CENPF: variants seen among roughly 807,000 people sequenced by gnomAD.
The protein encoded by CENPF is centromere protein F.
In CENPF, 214 loss-of-function variants were observed where a neutral mutation model predicts 307.3. That is an observed-to-expected ratio of 0.70 (90% CI 0.62 to 0.78). The LOEUF is 0.78. Among genes scored for constraint, CENPF ranks in the 30% least tolerant of loss-of-function variants. The probability of loss-of-function intolerance (pLI) is 0.00; values close to 1 mark genes in which losing one functional copy is unlikely to be tolerated. For missense variants in CENPF, 3,401 were observed against 3,483.9 expected (o/e 0.98, Z 0.60); for synonymous variants, 1,259 against 1,270.6 (o/e 0.99, Z 0.19).
At chr1:214,605,620 G>A (rs1263419953) in intron 1 of CENPF, 14 of 1,440,068 alleles carry the variant, frequency 9.7e-6, no homozygotes, top group African/African-American at 1.4e-5. Context: ...GGGCCGGCGC[G>A]GGGTGAGGTC....
In CENPF at chr1:214,640,879, A is replaced by G; in HGVS notation, c.2541A>G (p.Ser847=). 3 of 1,603,398 alleles carry G rather than the reference A, an allele frequency of 1.9e-6. No homozygotes were observed. The highest frequency in any genetic ancestry group is 2.5e-6 in the Non-Finnish European group (3 of 1,177,234). The part of the protein sequence containing the change: ...FSLESQKQMN[S]DLQKQCEELV... ...TAGAGTCTCAAAAACAGATGAACTC[A>G]GACCTGCAAAAGCAGTGTGAAGAGT... Residue 847 remains serine (S), a synonymous_variant, in exon 12 of 20, where the codon TCA becomes TCG. Transcript: ENST00000366955.
chr1:214,617,652 GA>G (rs1410778833), intron 3 of CENPF, among the ~76,000 whole-genome samples: 1 of 152,002 alleles, frequency 6.6e-6, no homozygotes, highest in African/African-American at 2.4e-5. Flanking sequence ...GCATTATATT[GA>G]TTTAATTTTT....
At chr1:214,655,157 T>C (rs1658595671) in intron 16 of CENPF, 84 bp from the exon 17 acceptor site, 2 of 816,198 alleles carry the variant, frequency 2.5e-6, no homozygotes, top group Non-Finnish European at 3.6e-6. Context: ...TTACAATATA[T>C]GAATCTTATA....
chr1:214,651,577 G>A lies in CENPF; in HGVS notation c.7984-133G>A, dbSNP rs750692539. 1.2e-5 allele frequency: 7 copies of A among 585,268 alleles called. No homozygotes were observed. In the South Asian group the frequency reaches 1.3e-4, roughly 11 times the overall value. The allele number at this position is 585,268 out of a possible 1,614,324, so 36.3% of individuals were successfully genotyped here. On this transcript the variant is annotated intron_variant, in intron 14 of 19. Coordinates refer to ENST00000366955, the MANE Select transcript of CENPF (RefSeq NM_016343.4). ...AGTGAATACATTGCTAAGGATTATAGCACTATTCTGTACAGATTTTATCTT... is the reference window on the plus strand; with the variant it reads ...AGTGAATACATTGCTAAGGATTATAACACTATTCTGTACAGATTTTATCTT...
chr1:214,624,370 A>G (rs74871236), intron 7 of CENPF, among the ~76,000 whole-genome samples: 1 of 151,948 alleles, frequency 6.6e-6, no homozygotes, highest in African/African-American at 2.4e-5. Flanking sequence ...TTTATATATT[A>G]AGTAGAATTC....
At chr1:214,606,052 G>C in intron 1 of CENPF, 1 of 1,594,800 alleles carries the variant, frequency 6.3e-7, no homozygotes, top group African/African-American at 1.3e-5. Flanking sequence ...GCCCGTACAG[G>C]ATGATGCTGT....
Position 214,622,500 on chromosome 1 carries a change from G to A in CENPF, c.1068+219G>A, listed in dbSNP as rs79868907. On this transcript the variant is annotated intron_variant, in intron 7 of 19. Coordinates refer to ENST00000366955, the MANE Select transcript of CENPF (RefSeq NM_016343.4). ...TTCCCAGCTGAGTGACGTTGGGCAA[G>A]TCACTGATCTCTTTTATGTTGCAGG... Among the ~76,000 whole-genome samples the A allele has an allele frequency of 3.3e-5, 5 of 152,326 alleles. No individual in the cohort carries two copies. The East Asian group carries it at 9.6e-4, about 29-fold the overall frequency.
chr1:214,605,889 C>A (rs1449658006), intron 1 of CENPF: 6 of 1,597,392 alleles, frequency 3.8e-6, no homozygotes, highest in Non-Finnish European at 3.4e-6. Context: ...ATCTTGGACA[C>A]CTTCTCGATG....
rs368264741 is a variant in CENPF at position 214,622,267 on chromosome 1, C to G, written c.1054C>G (p.Gln352Glu). The G allele has an allele frequency of 3.7e-6, 6 of 1,609,220 alleles. No homozygotes were observed. The African/African-American group carries it at 6.7e-5, about 18-fold the overall frequency. The change falls in exon 7 of 20, where the codon CAG becomes GAG. Residue 352 changes from glutamine to glutamate, a missense_variant. Transcript: ENST00000366955. Reference sequence around the variant, plus strand: ...AGTGAGAACAACAGCACAATACGACCAGGCGTCAACCAAGGTACTTGACTT... The same window carrying G: ...AGTGAGAACAACAGCACAATACGACGAGGCGTCAACCAAGGTACTTGACTT... ...ELVRTTAQYD[Q>E]ASTKYTALEQ... is the part of the protein sequence containing the mutation.
chr1:214,662,253 A>T (rs1416395530), intron 19 of CENPF, among the ~76,000 whole-genome samples: 2 of 139,784 alleles, frequency 1.4e-5, no homozygotes, highest in Admixed American at 7.2e-5. Context: ...ATTTCTCTTT[A>T]AAAAAAAAAA....
chr1:214,643,976 T>C (rs1658207876), intron 12 of CENPF, among the ~76,000 whole-genome samples: 1 of 152,220 alleles, frequency 6.6e-6, no homozygotes, highest in Non-Finnish European at 1.5e-5. Flanking sequence ...TCTATCTCTG[T>C]GAGGTAGAGA....
At chr1:214,614,800 G>A (rs377028704) in intron 2 of CENPF, 32 bp from the exon 3 acceptor site, 146 of 1,403,610 alleles carry the variant, frequency 1.0e-4, no homozygotes, top group Non-Finnish European at 1.4e-4. Context: ...ACAAAATAAG[G>A]GAGTTATTGT....
rs1658150627 is a variant in CENPF, at chr1:214,642,438, G to A, written c.4100G>A (p.Gly1367Asp). ...GAGTTAGTGGAAGACATACCAGGAG[G>A]TGAATTTGGTGAACAACCAAATGAA... ...HGELVEDIPG[G>D]EFGEQPNEQH... is the part of the protein sequence containing the mutation. Residue 1367 changes from glycine (G) to aspartate (D), a missense_variant, in exon 12 of 20, where the codon GGT (glycine) becomes GAT (aspartate). Coordinates refer to ENST00000366955, the MANE Select transcript of CENPF (RefSeq NM_016343.4). 5 of 1,595,266 alleles carry A rather than the reference G, an allele frequency of 3.1e-6. No homozygotes were observed. The South Asian group carries it at 5.7e-5, about 18-fold the overall frequency.
At position 214,663,957 on chromosome 1, in the gene CENPF, G is replaced by A. The variant is rs992141365; in HGVS notation, c.*163G>A. On this transcript the variant is annotated 3_prime_UTR_variant, in exon 20 of 20. Transcript: ENST00000366955. ...TACTCTTTAGATCTCCCATGTGTAG[G>A]TATTGAAAAAGTTTGGAAGCACTGA... 1.6e-6 allele frequency: 1 copy of A among 615,584 alleles called. No individual in the cohort carries two copies. The highest frequency in any genetic ancestry group is 1.8e-5 in the African/African-American group (1 of 54,458). 38.1% of individuals were successfully genotyped at this position (615,584 alleles called of 1,614,324 possible). A position where few individuals can be genotyped will look rare whatever the true frequency, so the allele number is the denominator to read the frequency against.
At chr1:214,618,407 C>T (rs1345834923) in intron 3 of CENPF, among the ~76,000 whole-genome samples, 166 bp from the exon 4 acceptor site, 2 of 152,188 alleles carry the variant, frequency 1.3e-5, no homozygotes, top group Non-Finnish European at 2.9e-5. Flanking sequence ...ATGTCTGGCA[C>T]ATAAGTTAGA....
chr1:214,607,110 T>G (rs1291108387), intron 1 of CENPF, among the ~76,000 whole-genome samples: 1 of 152,210 alleles, frequency 6.6e-6, no homozygotes, highest in Non-Finnish European at 1.5e-5. Context: ...CAGCTCTGCC[T>G]TAGCCTCCCT....
Position 214,650,849 on chromosome 1 carries a change from G to A in CENPF, c.7984-861G>A, listed in dbSNP as rs541759166. Among the ~76,000 whole-genome samples the A allele has an allele frequency of 9.2e-5, 14 of 152,168 alleles. No individual in the cohort carries two copies. In the South Asian group the frequency reaches 2.9e-3, roughly 32 times the overall value. Reference sequence around the variant, plus strand: ...TGCAGTGAGCCATGATTGTGCCACCGCACTCCAGCCTGGGCAACATAGTGA... The same window carrying A: ...TGCAGTGAGCCATGATTGTGCCACCACACTCCAGCCTGGGCAACATAGTGA... On this transcript the variant is annotated intron_variant, in intron 14 of 19. Transcript: ENST00000366955.
chr1:214,608,661 C>G (rs1445908365), intron 1 of CENPF: 18 of 1,600,482 alleles, frequency 1.1e-5, no homozygotes, highest in Non-Finnish European at 1.5e-5. Context: ...CGGGTGCGCC[C>G]GAGGAGGCCC....
rs752793192 is a variant in CENPF, at chr1:214,646,103, A to C, written c.6533A>C (p.Glu2178Ala). 7 of 1,614,000 alleles carry C rather than the reference A, an allele frequency of 4.3e-6. No homozygotes were observed. The highest frequency in any genetic ancestry group is 5.9e-6 in the Non-Finnish European group (7 of 1,180,042). ...CAGGAGCTAGTGATTCTTGATGCCGAGAATTCCAAAGCAGAAGTAGAGACT... is the reference window on the plus strand; with the variant it reads ...CAGGAGCTAGTGATTCTTGATGCCGCGAATTCCAAAGCAGAAGTAGAGACT... ...ENQELVILDAENSKAEVETLK... is the reference protein window; with the variant it reads ...ENQELVILDAANSKAEVETLK... The change falls in exon 13 of 20, where the codon GAG (glutamate) becomes GCG (alanine). Residue 2178 changes from glutamate (E) to alanine (A), a missense_variant. Transcript: ENST00000366955.
Sources: gnomAD v4.1 joint callset for allele counts (sites outside exome capture counted in the v4.1 genomes callset) on GRCh38, gnomAD v4.1.1 for gene constraint, MANE v1.5 for transcripts, NCBI Gene and HGNC (gene_info 2026-07-23, HGNC 2026-07-21) for gene names.